The following FRMD4A variants were observed in gnomAD, a reference collection of about 807,000 sequenced individuals.
FRMD4A encodes FERM domain-containing protein 4A.
FRMD4A carries 29 observed loss-of-function variants against 129.1 expected under a neutral mutation model. The observed-to-expected ratio is 0.22, with a 90% confidence interval of 0.17 to 0.31. FRMD4A has a LOEUF of 0.31. FRMD4A is among the 10% of genes least tolerant of loss of function. The pLI, the probability that FRMD4A is intolerant of heterozygous loss-of-function variation, is 1.00. For synonymous variants in FRMD4A, 634 were observed against 571.6 expected, an observed-to-expected ratio of 1.11 and a Z score of -1.56; for missense variants, 1,272 against 1,375.8, an observed-to-expected ratio of 0.92 and a Z score of 1.19.
intron 2 of FRMD4A, among the ~76,000 whole-genome samples, chr10:14,077,234 A>G (rs1835667832): frequency 1.3e-5 from 2 of 152,202 alleles, no homozygotes; most frequent in South Asian, 2.1e-4. Context: ...TATGCATTAT[A>G]AGAATTATAT....
intron 8 of FRMD4A, among the ~76,000 whole-genome samples, chr10:13,748,316 T>A (rs1156252885): frequency 1.3e-5 from 2 of 152,242 alleles, no homozygotes. Flanking sequence ...GTTGACCACA[T>A]GCTGGAAACT....
In FRMD4A at chr10:13,713,838, AATAT is replaced by A. The variant is rs1400652293; in HGVS notation, c.760-6729_760-6726del. ...ATATATAATATATATACATATATGT[AATAT>A]ATATACACATATATATAATATATAT... On this transcript the variant is annotated intron_variant, in intron 12 of 24. Coordinates refer to ENST00000357447, the MANE Select transcript of FRMD4A (RefSeq NM_018027.5). 8.7e-5 allele frequency among the ~76,000 whole-genome samples: 7 copies of A among 80,112 alleles called. 2 individuals are homozygous for A. The highest frequency in any genetic ancestry group is 1.4e-4 in the Non-Finnish European group (6 of 42,332). 52.6% of individuals were successfully genotyped at this position (80,112 alleles called of 152,430 possible). A position where few individuals can be genotyped will look rare whatever the true frequency, so the allele number is the denominator to read the frequency against.
At chr10:14,102,216 C>A (rs565005083) in intron 2 of FRMD4A, among the ~76,000 whole-genome samples, 9 of 152,308 alleles carry the variant, frequency 5.9e-5, no homozygotes, top group African/African-American at 1.9e-4. Flanking sequence ...TCACAGCATG[C>A]AGCTTAATCA....
At chr10:13,944,953 G>A (rs1019363571) in intron 2 of FRMD4A, among the ~76,000 whole-genome samples, 5 of 152,188 alleles carry the variant, frequency 3.3e-5, no homozygotes, top group African/African-American at 1.2e-4. Flanking sequence ...GTGTGATCAG[G>A]TTGAGCCATA....
chr10:13,781,942 A>G (rs2092747464), intron 6 of FRMD4A, among the ~76,000 whole-genome samples: 1 of 152,082 alleles, frequency 6.6e-6, no homozygotes, highest in Admixed American at 6.6e-5. Flanking sequence ...ATGCCGCTGA[A>G]CTGCACACTT....
intron 3 of FRMD4A, among the ~76,000 whole-genome samples, chr10:13,841,887 C>T (rs2093972122): frequency 6.6e-6 from 1 of 152,314 alleles, no homozygotes; most frequent in East Asian, 1.9e-4. Flanking sequence ...CCCAACCTTG[C>T]AGCTGGCATC....
At chr10:13,860,200 C>T (rs1356793783) in intron 2 of FRMD4A, among the ~76,000 whole-genome samples, 1 of 152,204 alleles carries the variant, frequency 6.6e-6, no homozygotes, top group Non-Finnish European at 1.5e-5. Context: ...ACTGTCATGA[C>T]AACACTGCTA....
chr10:13,840,969 A>T (rs928154399), intron 3 of FRMD4A, among the ~76,000 whole-genome samples: 1 of 151,966 alleles, frequency 6.6e-6, no homozygotes, highest in Non-Finnish European at 1.5e-5. Context: ...TTAGACAGGC[A>T]TGGTGGTGCA....
chr10:13,810,705 G>T, intron 4 of FRMD4A, 109 bp downstream of exon 4: 1 of 549,718 alleles, frequency 1.8e-6, no homozygotes, highest in Non-Finnish European at 3.3e-6. Flanking sequence ...CCAGACCATG[G>T]GACCCAAGTG....
chr10:13,941,024 G>A (rs368291338), intron 2 of FRMD4A, among the ~76,000 whole-genome samples: 15 of 152,256 alleles, frequency 9.9e-5, no homozygotes, highest in African/African-American at 3.4e-4. Flanking sequence ...AGAGAGCAAG[G>A]ATTGAAATCC....
At chr10:14,319,415 G>A (rs774535953) in intron 2 of FRMD4A, among the ~76,000 whole-genome samples, 10 of 132,778 alleles carry the variant, frequency 7.5e-5, no homozygotes, top group Non-Finnish European at 1.5e-4. Flanking sequence ...CACCTTGTGA[G>A]GTTTAGTAAT....
chr10:13,996,205 G>A (rs909814687), intron 2 of FRMD4A, among the ~76,000 whole-genome samples: 1 of 152,200 alleles, frequency 6.6e-6, no homozygotes, highest in African/African-American at 2.4e-5. Flanking sequence ...CATTACTTTA[G>A]GGGATAGGAT....
intron 12 of FRMD4A, among the ~76,000 whole-genome samples, chr10:13,722,411 AT>A (rs766466135): frequency 0.015 from 2,103 of 142,052 alleles, 34 homozygotes; most frequent in African/African-American, 0.047. Context: ...AAAAAAAAAA[AT>A]TTTTTTTTTT....
chr10:13,975,436 T>A (rs934236478), intron 2 of FRMD4A, among the ~76,000 whole-genome samples: 3 of 152,104 alleles, frequency 2.0e-5, no homozygotes, highest in African/African-American at 7.2e-5. Flanking sequence ...CGTATGTGTG[T>A]CTCATGTCTA....
At chr10:13,908,986 G>A (rs1300765259) in intron 2 of FRMD4A, among the ~76,000 whole-genome samples, 1 of 152,160 alleles carries the variant, frequency 6.6e-6, no homozygotes, top group African/African-American at 2.4e-5. Flanking sequence ...TGAGGCCATC[G>A]CTGTACAGCC....
At chr10:14,101,124 T>TC in intron 2 of FRMD4A, among the ~76,000 whole-genome samples, 1 of 152,314 alleles carries the variant, frequency 6.6e-6, no homozygotes, top group Non-Finnish European at 1.5e-5. Flanking sequence ...CTTTTAAGAT[T>TC]CCCCCATACT....
intron 2 of FRMD4A, among the ~76,000 whole-genome samples, chr10:14,001,602 C>T (rs1394147971): frequency 6.6e-6 from 1 of 152,156 alleles, no homozygotes; most frequent in East Asian, 1.9e-4. Context: ...ACATAAGCTG[C>T]TATACAAAAC....
At chr10:14,048,682 T>A (rs1388970892) in intron 2 of FRMD4A, among the ~76,000 whole-genome samples, 1 of 152,158 alleles carries the variant, frequency 6.6e-6, no homozygotes, top group Admixed American at 6.5e-5. Flanking sequence ...GTCAGGCACC[T>A]GTAGTCCCAG....
At chr10:14,254,495 T>C (rs1183111473) in intron 2 of FRMD4A, among the ~76,000 whole-genome samples, 1 of 152,158 alleles carries the variant, frequency 6.6e-6, no homozygotes. Context: ...TCTCCTCTTA[T>C]GTATTGGGCT....
Sources: gnomAD v4.1 joint callset for allele counts (sites outside exome capture counted in the v4.1 genomes callset) on GRCh38, gnomAD v4.1.1 for gene constraint, MANE v1.5 for transcripts, NCBI Gene and HGNC (gene_info 2026-07-23, HGNC 2026-07-21) for gene names.